The following STAG1 variants were observed in gnomAD, a reference collection of about 807,000 sequenced individuals.
STAG1 encodes cohesin subunit SA-1.
In STAG1, 26 loss-of-function variants were observed where a neutral mutation model predicts 170.9. The observed-to-expected ratio is 0.15, with a 90% CI of 0.11 to 0.21. The LOEUF (loss-of-function observed/expected upper bound fraction) is 0.21. STAG1 is among the 10% of genes least tolerant of loss of function. The pLI is 1.00. For missense variants in STAG1, 964 were observed against 1,509.5 expected (o/e 0.64, Z 5.99); for synonymous variants, 514 against 497.7 (o/e 1.03, Z -0.44).
intron 5 of STAG1, among the ~76,000 whole-genome samples, chr3:136,560,482 A>G (rs895045624): frequency 6.6e-6 from 1 of 152,238 alleles, no homozygotes; most frequent in East Asian, 1.9e-4. Context: ...TAGTTCTCTC[A>G]TAACTTATTC....
chr3:136,584,894 T>C (rs574669607), intron 4 of STAG1, among the ~76,000 whole-genome samples: 223 of 152,344 alleles, frequency 1.5e-3, no homozygotes, highest in Non-Finnish European at 2.9e-3. Context: ...TGCCAGATTA[T>C]ACTCTGTCTT....
chr3:136,576,946 T>C (rs1020188059), intron 4 of STAG1, among the ~76,000 whole-genome samples: 28 of 152,304 alleles, frequency 1.8e-4, no homozygotes, highest in African/African-American at 6.7e-4. Flanking sequence ...GTAGATTCGT[T>C]TGCTTTGGAT....
At chr3:136,732,166 CCTACA>C (rs1187676744) in intron 1 of STAG1, among the ~76,000 whole-genome samples, 2 of 151,118 alleles carry the variant, frequency 1.3e-5, no homozygotes, top group East Asian at 3.9e-4. Flanking sequence ...GATCTCTGGC[CCTACA>C]CTAGTTTTTG....
In STAG1 at chr3:136,421,237, A is replaced by G. The variant is rs190399138; in HGVS notation, c.2038-74T>C. The stretch of plus-strand genomic sequence containing the variant: ...GTATATTACTACTTATTGCCTAAAT[A>G]AAAATTCTTCTAAATTATATTAATA... On this transcript the variant is annotated intron_variant, in intron 19 of 33. Coordinates refer to ENST00000383202, the MANE Select transcript of STAG1 (RefSeq NM_005862.3). The G allele has an allele frequency of 1.3e-5, 12 of 923,658 alleles. No individual in the cohort carries two copies. The East Asian group carries it at 3.0e-4, about 23-fold the overall frequency. The allele number at this position is 923,658 out of a possible 1,614,324, so 57.2% of individuals were successfully genotyped here.
At chr3:136,648,742 T>C in intron 1 of STAG1, among the ~76,000 whole-genome samples, 1 of 152,190 alleles carries the variant, frequency 6.6e-6, no homozygotes, top group East Asian at 1.9e-4. Context: ...ACCTGTAAAA[T>C]GTATGTTAAA....
At chr3:136,523,413 G>A (rs200949709) in intron 6 of STAG1, among the ~76,000 whole-genome samples, 1 of 151,470 alleles carries the variant, frequency 6.6e-6, no homozygotes, top group African/African-American at 2.4e-5. Flanking sequence ...TGTTGATGGG[G>A]TTGTTTTCTT....
At chr3:136,573,133 C>G (rs1937330657) in intron 4 of STAG1, among the ~76,000 whole-genome samples, 4 of 151,418 alleles carry the variant, frequency 2.6e-5, no homozygotes, top group Middle Eastern at 3.4e-3. Flanking sequence ...GAACTGTGAT[C>G]TTCAACTGCA....
chr3:136,744,836 CAGCTAA>C (rs1440460140), intron 1 of STAG1, among the ~76,000 whole-genome samples: 2 of 152,066 alleles, frequency 1.3e-5, no homozygotes, highest in Non-Finnish European at 2.9e-5. Flanking sequence ...CCACCACACC[CAGCTAA>C]TTTTTGTATT....
chr3:136,695,757 G>C (rs1304347954), intron 1 of STAG1, among the ~76,000 whole-genome samples: 1 of 150,460 alleles, frequency 6.6e-6, no homozygotes, highest in Non-Finnish European at 1.5e-5. Context: ...AATAAAACTG[G>C]AAAGTTCAAA....
intron 4 of STAG1, among the ~76,000 whole-genome samples, chr3:136,601,948 T>C (rs1382466605): frequency 6.6e-6 from 1 of 152,120 alleles, no homozygotes; most frequent in East Asian, 1.9e-4. Context: ...CTTCTATTGG[T>C]CAATGTTTTA....
At chr3:136,711,797 T>C (rs1412661245) in intron 1 of STAG1, among the ~76,000 whole-genome samples, 1 of 151,750 alleles carries the variant, frequency 6.6e-6, no homozygotes, top group Non-Finnish European at 1.5e-5. Flanking sequence ...TGGATATCCA[T>C]TTGAAAAAAA....
intron 16 of STAG1, among the ~76,000 whole-genome samples, chr3:136,427,200 G>A (rs1175620376): frequency 6.6e-6 from 1 of 151,270 alleles, no homozygotes; most frequent in Non-Finnish European, 1.5e-5. Flanking sequence ...CTGCACTCCT[G>A]CCTGGGCAAC....
Position 136,338,158 on chromosome 3 carries a change from C to T in STAG1, c.*96G>A, listed in dbSNP as rs1042060231. 3.0e-5 allele frequency: 24 copies of T among 796,774 alleles called. No homozygotes were observed. The highest frequency in any genetic ancestry group is 5.1e-5 in the Non-Finnish European group (24 of 473,966). The allele number at this position is 796,774 out of a possible 1,614,324, so 49.4% of individuals were successfully genotyped here. ...CATTTGATTAAAAAACAAATCAGAT[C>T]ACATCAAAAGTGTTTTTCCCCATAC... is the stretch of plus-strand genomic sequence containing the variant. On this transcript the variant is annotated 3_prime_UTR_variant, in exon 34 of 34. Coordinates refer to ENST00000383202, the MANE Select transcript of STAG1 (RefSeq NM_005862.3).
chr3:136,595,216 T>C (rs1458389192), intron 4 of STAG1, among the ~76,000 whole-genome samples: 2 of 152,314 alleles, frequency 1.3e-5, no homozygotes, highest in Non-Finnish European at 2.9e-5. Context: ...ATTCAACATG[T>C]ATTTAATGTC....
chr3:136,708,746 T>G (rs1390922394), intron 1 of STAG1, among the ~76,000 whole-genome samples: 4 of 152,164 alleles, frequency 2.6e-5, no homozygotes, highest in African/African-American at 9.7e-5. Flanking sequence ...TTAAAATTGT[T>G]AGGTGCTTAG....
intron 1 of STAG1, among the ~76,000 whole-genome samples, chr3:136,662,497 G>A (rs1026289384): frequency 3.3e-5 from 5 of 152,130 alleles, no homozygotes; most frequent in African/African-American, 1.2e-4. Flanking sequence ...CAGGCTGAGT[G>A]TGCTAGCGCA....
At chr3:136,528,232 C>A (rs1194028932) in intron 6 of STAG1, among the ~76,000 whole-genome samples, 1 of 152,108 alleles carries the variant, frequency 6.6e-6, no homozygotes, top group Non-Finnish European at 1.5e-5. Context: ...GGGCTCTACC[C>A]AATTTGAACT....
intron 1 of STAG1, among the ~76,000 whole-genome samples, chr3:136,716,874 C>T (rs890932826): frequency 6.6e-6 from 1 of 152,168 alleles, no homozygotes; most frequent in African/African-American, 2.4e-5. Flanking sequence ...CTGCAAATTA[C>T]TATATTTTTC....
chr3:136,527,195 C>G (rs1192860813), intron 6 of STAG1, among the ~76,000 whole-genome samples: 2 of 152,184 alleles, frequency 1.3e-5, no homozygotes, highest in Admixed American at 1.3e-4. Flanking sequence ...TGTTTTCCAA[C>G]TTGTTTCCAT....
Sources: allele counts gnomAD v4.1 joint callset (sites outside exome capture counted in the v4.1 genomes callset), GRCh38; gene constraint gnomAD v4.1.1; transcripts MANE v1.5; gene names NCBI Gene and HGNC (gene_info 2026-07-23, HGNC 2026-07-21).